The following ZFAT variants were observed in gnomAD, a reference collection of about 807,000 sequenced individuals.
The protein encoded by ZFAT is zinc finger and AT-hook domain containing.
A neutral mutation model predicts 117.7 loss-of-function variants in ZFAT; 64 were observed. That is an observed-to-expected ratio of 0.54 (90% CI 0.44 to 0.67). ZFAT has a LOEUF of 0.67. ZFAT is among the 30% of genes least tolerant of loss of function. ZFAT has a pLI of 0.00. For synonymous variants in ZFAT, 679 were observed against 615.0 expected (o/e 1.10, Z -1.54); for missense variants, 1,433 against 1,584.5 (o/e 0.90, Z 1.62).
chr8:134,782,708 C>T, the ZFAT span, among the ~76,000 whole-genome samples: 400 of 152,164 alleles, frequency 2.6e-3, 1 homozygote, highest in Non-Finnish European at 2.5e-3. Context: ...TGCTGCCATG[C>T]AAGATGTGCC....
At chr8:134,510,570 G>A (rs1007723443) in intron 14 of ZFAT, 3 of 167,574 alleles carry the variant, frequency 1.8e-5, no homozygotes, top group African/African-American at 7.2e-5. Context: ...GCCAGTGGCT[G>A]AGGCAGTGGC....
chr8:134,733,259 C>T, the ZFAT span, among the ~76,000 whole-genome samples: 12,496 of 152,248 alleles, frequency 0.082, 710 homozygotes, highest in South Asian at 0.22. Flanking sequence ...CAGCAACAAC[C>T]GCTCCTGGGG....
chr8:134,587,892 A>G (rs1331717606), intron 9 of ZFAT, among the ~76,000 whole-genome samples: 1 of 152,072 alleles, frequency 6.6e-6, no homozygotes, highest in Non-Finnish European at 1.5e-5. Context: ...TTTCTGGAAA[A>G]CCTGCTATGC....
In ZFAT at chr8:134,512,613, C is replaced by G. The variant is rs979839744; in HGVS notation, c.3235-12G>C. On this transcript the variant is annotated splice_polypyrimidine_tract_variant and intron_variant, in intron 13 of 15. Transcript: ENST00000377838. The stretch of plus-strand genomic sequence containing the variant: ...GCTTCTGTTGCTGTCTAAATAAAAA[C>G]ATAGTACCTAAGTCATCTCCTAAAA... 6.2e-6 allele frequency: 10 copies of G among 1,611,722 alleles called. No individual in the cohort carries two copies. The highest frequency in any genetic ancestry group is 8.5e-6 in the Non-Finnish European group (10 of 1,179,270).
At chr8:134,654,725 G>A (rs934749712) in intron 2 of ZFAT, among the ~76,000 whole-genome samples, 3 of 152,346 alleles carry the variant, frequency 2.0e-5, no homozygotes, top group African/African-American at 7.2e-5. Flanking sequence ...CCCAAGGCAA[G>A]AAAGCAAGGA....
At chr8:134,637,268 C>G (rs866202453) in intron 3 of ZFAT, among the ~76,000 whole-genome samples, 193 bp downstream of exon 3, 1 of 152,230 alleles carries the variant, frequency 6.6e-6, no homozygotes, top group East Asian at 1.9e-4. Context: ...GCATCAACTC[C>G]CAGATGACAC....
the ZFAT span, among the ~76,000 whole-genome samples, chr8:134,826,346 G>C: frequency 6.6e-6 from 1 of 152,014 alleles, no homozygotes. Flanking sequence ...TAATCACGAA[G>C]AACAAAACAA....
chr8:134,829,345 A>C, the ZFAT span, among the ~76,000 whole-genome samples: 1 of 152,224 alleles, frequency 6.6e-6, no homozygotes, highest in Non-Finnish European at 1.5e-5. Context: ...TGGCCCGGGG[A>C]GGCCAAAAGA....
intron 12 of ZFAT, among the ~76,000 whole-genome samples, chr8:134,526,278 C>A (rs1821019987): frequency 6.6e-6 from 1 of 152,090 alleles, no homozygotes; most frequent in Non-Finnish European, 1.5e-5. Context: ...TCAGCCTTTG[C>A]CACAGTGACT....
At chr8:134,676,828 A>C (rs541273623) in intron 1 of ZFAT, among the ~76,000 whole-genome samples, 1 of 152,340 alleles carries the variant, frequency 6.6e-6, no homozygotes, top group Non-Finnish European at 1.5e-5. Context: ...GAACTGAACA[A>C]CCTGCTCCTG....
At chr8:134,560,170 A>G (rs1357128634) in intron 11 of ZFAT, among the ~76,000 whole-genome samples, 1 of 152,146 alleles carries the variant, frequency 6.6e-6, no homozygotes, top group African/African-American at 2.4e-5. Flanking sequence ...CCATTTTGGT[A>G]TGGGGTTGTG....
the ZFAT span, chr8:134,796,104 C>T: frequency 6.6e-6 from 1 of 152,208 alleles, no homozygotes; most frequent in East Asian, 1.9e-4. Context: ...CAGTATCTTG[C>T]CTATGCTCCT....
At chr8:134,532,774 A>G (rs1349013295) in intron 12 of ZFAT, 60 bp downstream of exon 12, 7 of 1,585,830 alleles carry the variant, frequency 4.4e-6, no homozygotes, top group African/African-American at 4.0e-5. Flanking sequence ...GCTCTTCCCA[A>G]TGGGGGACTT....
chr8:134,488,545 A>G (rs1027057984), intron 15 of ZFAT, among the ~76,000 whole-genome samples: 66 of 152,362 alleles, frequency 4.3e-4, no homozygotes, highest in Admixed American at 4.0e-3. Flanking sequence ...GGAGTGTCAC[A>G]TCTCTCATGT....
chr8:134,678,021 C>G (rs1480877031), intron 1 of ZFAT, among the ~76,000 whole-genome samples: 1 of 152,148 alleles, frequency 6.6e-6, no homozygotes, highest in South Asian at 2.1e-4. Flanking sequence ...GGAAGCATTC[C>G]CTTTGAAAAC....
intron 6 of ZFAT, 129 bp from the exon 7 acceptor site, chr8:134,600,797 C>T: frequency 1.4e-6 from 1 of 731,182 alleles, no homozygotes. Context: ...ACCCTTCATA[C>T]TTTTCACCAC....
the ZFAT span, among the ~76,000 whole-genome samples, chr8:134,729,535 G>A: frequency 3.9e-5 from 6 of 151,952 alleles, no homozygotes; most frequent in East Asian, 3.9e-4. Flanking sequence ...GGGTTTCACC[G>A]TGTTAGCCAG....
chr8:134,717,275 GTC>G (rs543115490), upstream of ZFAT, among the ~76,000 whole-genome samples: 712 of 151,646 alleles, frequency 4.7e-3, 2 homozygotes, highest in Non-Finnish European at 7.4e-3. Flanking sequence ...GTTGAAAATG[GTC>G]TGAGGGAGCC....
the ZFAT span, among the ~76,000 whole-genome samples, chr8:134,750,613 A>G: frequency 6.6e-6 from 1 of 152,232 alleles, no homozygotes; most frequent in African/African-American, 2.4e-5. Flanking sequence ...GTTTTGAAAT[A>G]TGTAAAGCTG....
Sources: allele counts gnomAD v4.1 joint callset (sites outside exome capture counted in the v4.1 genomes callset), GRCh38; gene constraint gnomAD v4.1.1; transcripts MANE v1.5; gene names NCBI Gene and HGNC (gene_info 2026-07-23, HGNC 2026-07-21).